The following CD226 variants were observed in gnomAD, a reference collection of about 807,000 sequenced individuals.
The protein encoded by CD226 is CD226 antigen.
In CD226, 24 loss-of-function variants were observed where a neutral mutation model predicts 34.9. The ratio of observed to expected loss-of-function variants is 0.69; its 90% CI spans 0.50 to 0.97. CD226 has a LOEUF of 0.97. Ranked by LOEUF, CD226 falls within the 50% of genes least tolerant of loss-of-function variation. CD226 has a pLI of 0.00. For synonymous variants in CD226, 148 were observed against 147.4 expected (o/e 1.00, Z -0.03); for missense variants, 397 against 412.7 (o/e 0.96, Z 0.33).
At chr18:69,927,848 G>C (rs888313273) in intron 2 of CD226, among the ~76,000 whole-genome samples, 1 of 152,118 alleles carries the variant, frequency 6.6e-6, no homozygotes, top group African/African-American at 2.4e-5. Flanking sequence ...TAGACACTTA[G>C]GTTGCTTCTT....
chr18:69,953,138 G>A (rs553366098), intron 1 of CD226, among the ~76,000 whole-genome samples: 115 of 152,330 alleles, frequency 7.5e-4, no homozygotes, highest in Middle Eastern at 3.4e-3. Context: ...GTAAAATGAT[G>A]CAGCTGCTGT....
chr18:69,937,288 C>T (rs900061457), intron 2 of CD226, among the ~76,000 whole-genome samples: 6 of 152,102 alleles, frequency 3.9e-5, no homozygotes, highest in African/African-American at 1.4e-4. Context: ...TGAAAATTAT[C>T]TTCCAAAGTA....
chr18:69,936,970 T>C (rs764138717), intron 2 of CD226, among the ~76,000 whole-genome samples: 2 of 152,204 alleles, frequency 1.3e-5, no homozygotes, highest in African/African-American at 4.8e-5. Flanking sequence ...AATCTCCTCC[T>C]CCATCACTTT....
At chr18:69,941,286 G>C (rs756931315) in intron 2 of CD226, among the ~76,000 whole-genome samples, 4 of 152,232 alleles carry the variant, frequency 2.6e-5, no homozygotes, top group Non-Finnish European at 4.4e-5. Context: ...GTAGAGCTGT[G>C]AGAAGAGGGC....
intron 2 of CD226, among the ~76,000 whole-genome samples, chr18:69,899,558 C>A (rs2040275171): frequency 6.6e-6 from 1 of 151,962 alleles, no homozygotes; most frequent in African/African-American, 2.4e-5. Context: ...TATCCAGCAT[C>A]TATAAGGAAG....
chr18:69,950,039 CAT>C (rs1166775994), upstream of CD226, among the ~76,000 whole-genome samples: 7 of 152,032 alleles, frequency 4.6e-5, no homozygotes, highest in South Asian at 2.1e-4. Context: ...CAGGTGCACA[CAT>C]ACTCTCAAAC....
At chr18:69,931,944 T>G (rs1428504835) in intron 2 of CD226, among the ~76,000 whole-genome samples, 2 of 152,044 alleles carry the variant, frequency 1.3e-5, no homozygotes, top group African/African-American at 4.8e-5. Context: ...AAACCCAAAA[T>G]TCAGGTGCCA....
chr18:69,940,187 T>C (rs1242906558), intron 2 of CD226, among the ~76,000 whole-genome samples: 1 of 152,192 alleles, frequency 6.6e-6, no homozygotes, highest in African/African-American at 2.4e-5. Context: ...CCTTCCACCA[T>C]GATTGTAAGT....
upstream of CD226, among the ~76,000 whole-genome samples, chr18:69,960,342 T>C (rs2055924186): frequency 6.6e-6 from 1 of 151,442 alleles, no homozygotes; most frequent in Admixed American, 6.6e-5. Context: ...AGCAACGAAC[T>C]GAACATAGAA....
At chr18:69,938,842 T>C (rs1030571080) in intron 2 of CD226, among the ~76,000 whole-genome samples, 1 of 152,220 alleles carries the variant, frequency 6.6e-6, no homozygotes, top group Non-Finnish European at 1.5e-5. Context: ...TCCAGCACTT[T>C]GGGAGGCCAA....
At chr18:69,911,286 G>A (rs114075958) in intron 2 of CD226, among the ~76,000 whole-genome samples, 1,545 of 152,264 alleles carry the variant, frequency 0.01, 25 homozygotes, top group African/African-American at 0.035. Flanking sequence ...TTTCCCTTGA[G>A]GAAGGGTAAT....
rs886992332 is a variant in CD226 at position 69,947,044 on chromosome 18, A to G, written c.72T>C (p.His24=). The change falls in exon 2 of 6, where the codon CAT becomes CAC. Residue 24 remains histidine (H), a synonymous_variant. Coordinates refer to ENST00000582621, the MANE Select transcript of CD226 (RefSeq NM_001303618.2). ...YRALCEEVLW[H]TSVPFAENMS... is the part of the protein sequence containing the mutation. Reference sequence around the variant, plus strand: ...TGTTCTCGGCAAAGGGAACTGATGTATGCCAAAGCACCTCTTCACATAGAG... The same window carrying G: ...TGTTCTCGGCAAAGGGAACTGATGTGTGCCAAAGCACCTCTTCACATAGAG... The G allele has an allele frequency of 8.7e-6, 14 of 1,613,904 alleles. No individual in the cohort carries two copies. The highest frequency in any genetic ancestry group is 1.2e-5 in the Non-Finnish European group (14 of 1,179,882).
intron 1 of CD226, among the ~76,000 whole-genome samples, chr18:69,956,039 T>C (rs10514029): frequency 0.032 from 4,886 of 152,218 alleles, 290 homozygotes; most frequent in African/African-American, 0.11. Flanking sequence ...GTGAGGCTAC[T>C]GCTGAGTGAC....
chr18:69,900,021 A>G (rs1985510888), intron 2 of CD226, among the ~76,000 whole-genome samples: 1 of 152,212 alleles, frequency 6.6e-6, no homozygotes, highest in Non-Finnish European at 1.5e-5. Context: ...CAAAGACATG[A>G]AATCAACCTA....
At chr18:69,903,184 C>T (rs2055209035) in intron 2 of CD226, among the ~76,000 whole-genome samples, 1 of 152,140 alleles carries the variant, frequency 6.6e-6, no homozygotes, top group African/African-American at 2.4e-5. Flanking sequence ...GCAGAATTTT[C>T]CAAGGATGCC....
intron 3 of CD226, among the ~76,000 whole-genome samples, chr18:69,877,340 G>C (rs750972559): frequency 6.6e-6 from 1 of 152,190 alleles, no homozygotes; most frequent in Non-Finnish European, 1.5e-5. Flanking sequence ...TGAGGCATGT[G>C]TAAAGGGGCA....
In CD226 at chr18:69,935,948, G is replaced by A. The variant is rs548710376; in HGVS notation, c.382+10786C>T. 6.6e-5 allele frequency among the ~76,000 whole-genome samples: 10 copies of A among 152,210 alleles called. No individual in the cohort carries two copies. The South Asian group carries it at 1.2e-3, about 19-fold the overall frequency. On this transcript the variant is annotated intron_variant, in intron 2 of 5. Transcript: ENST00000582621. ...CCAATTCCACTCCCTGCTCTGGCTC[G>A]CCTGACTGCATTTGACAACAAGCCC...
At chr18:69,953,936 G>C (rs2055875107) in intron 1 of CD226, among the ~76,000 whole-genome samples, 1 of 151,254 alleles carries the variant, frequency 6.6e-6, no homozygotes, top group African/African-American at 2.4e-5. Flanking sequence ...GGAGGTGGAG[G>C]TTGCAGTGAG....
intron 2 of CD226, among the ~76,000 whole-genome samples, chr18:69,896,962 C>T (rs1041700375): frequency 6.6e-6 from 1 of 152,166 alleles, no homozygotes; most frequent in African/African-American, 2.4e-5. Flanking sequence ...CCATAAAGTA[C>T]TCAGTAATTG....
Sources: allele counts gnomAD v4.1 joint callset (sites outside exome capture counted in the v4.1 genomes callset), GRCh38; gene constraint gnomAD v4.1.1; transcripts MANE v1.5; gene names NCBI Gene and HGNC (gene_info 2026-07-23, HGNC 2026-07-21).